Variants in TMEM181 observed in about 807,000 individuals in gnomAD.
The protein encoded by TMEM181 is G protein-coupled receptor 178.
TMEM181 carries 39 observed loss-of-function variants against 71.9 expected under a neutral mutation model. The observed-to-expected ratio is 0.54, with a 90% confidence interval of 0.42 to 0.71. The LOEUF is 0.71. TMEM181 is among the 30% of genes least tolerant of loss of function. TMEM181 has a pLI of 0.00. For missense variants in TMEM181, 595 were observed against 583.0 expected (o/e 1.02, Z -0.21); for synonymous variants, 245 against 228.8 (o/e 1.07, Z -0.64).
intron 10 of TMEM181, among the ~76,000 whole-genome samples, chr6:158,618,792 TTTTC>T (rs1562311301): frequency 6.6e-6 from 1 of 152,216 alleles, no homozygotes; most frequent in Admixed American, 6.5e-5. Flanking sequence ...TTGAAAAGTG[TTTTC>T]TTTAAGAATG....
chr6:158,626,695 G>C, intron 13 of TMEM181: 1 of 457,308 alleles, frequency 2.2e-6, no homozygotes, highest in Non-Finnish European at 4.4e-6. Flanking sequence ...ATTAGTCTCT[G>C]TTCAGTGCTA....
chr6:158,567,605 A>G (rs1465427448), intron 1 of TMEM181, among the ~76,000 whole-genome samples: 1 of 152,048 alleles, frequency 6.6e-6, no homozygotes, highest in African/African-American at 2.4e-5. Context: ...GAGAAGAGAG[A>G]GCATCTTAGA....
At chr6:158,628,595 G>A (rs1786475769) in intron 14 of TMEM181, 105 bp downstream of exon 14, 4 of 975,604 alleles carry the variant, frequency 4.1e-6, no homozygotes, top group Non-Finnish European at 6.2e-6. Context: ...TCAGCTCCTC[G>A]CGCCCTGTTC....
At position 158,626,307 on chromosome 6, in the gene TMEM181, C is replaced by T. The variant is rs373330817; in HGVS notation, c.1109+553C>T. The T allele has an allele frequency of 5.0e-5, 22 of 441,356 alleles. No individual in the cohort carries two copies. The East Asian group carries it at 8.4e-4, about 17-fold the overall frequency. 27.3% of individuals were successfully genotyped at this position (441,356 alleles called of 1,614,324 possible). ...CTGGCCAGTTGGTAGAGGAACAGAGCGGTCTGGGAAGTTGTTTATTTGAAT... is the reference window on the plus strand; with the variant it reads ...CTGGCCAGTTGGTAGAGGAACAGAGTGGTCTGGGAAGTTGTTTATTTGAAT... On this transcript the variant is annotated intron_variant, in intron 13 of 16. Coordinates refer to ENST00000684151, the MANE Select transcript of TMEM181 (RefSeq NM_001376852.1).
chr6:158,576,923 A>G (rs969224078), intron 2 of TMEM181, among the ~76,000 whole-genome samples: 2 of 151,988 alleles, frequency 1.3e-5, no homozygotes, highest in Non-Finnish European at 2.9e-5. Flanking sequence ...TTAGCCAGGC[A>G]TGGTGGTGGG....
chr6:158,557,510 T>TTATTTA (rs1348544435), upstream of TMEM181, among the ~76,000 whole-genome samples: 18 of 150,796 alleles, frequency 1.2e-4, no homozygotes, highest in African/African-American at 4.4e-4. Flanking sequence ...CTGTAATTAT[T>TTATTTA]TATTTATTTA....
intron 10 of TMEM181, among the ~76,000 whole-genome samples, chr6:158,619,427 G>A (rs1216681002): frequency 2.0e-5 from 3 of 152,154 alleles, no homozygotes; most frequent in South Asian, 2.1e-4. Context: ...GCTTCTTGGC[G>A]ATGGGTTCGA....
intron 10 of TMEM181, chr6:158,611,630 C>G (rs532997560): frequency 3.0e-6 from 1 of 334,100 alleles, no homozygotes; most frequent in African/African-American, 2.2e-5. Context: ...TTCCCCCTGA[C>G]GAAAGGACTC....
chr6:158,597,511 C>G (rs549279351), intron 6 of TMEM181, among the ~76,000 whole-genome samples: 1 of 151,872 alleles, frequency 6.6e-6, no homozygotes, highest in East Asian at 2.0e-4. Flanking sequence ...GCTAGCCCCC[C>G]CTTTTTTGAG....
chr6:158,548,675 C>T (rs368557724), intron 1 of TMEM181, among the ~76,000 whole-genome samples: 1 of 152,154 alleles, frequency 6.6e-6, no homozygotes, highest in East Asian at 1.9e-4. Context: ...TGTGAGGCAG[C>T]CAGCAAGCCC....
At position 158,573,469 on chromosome 6, in the gene TMEM181, G is replaced by A. The variant is rs1267644738; in HGVS notation, c.58G>A (p.Val20Met). ...YTLSKRHFVL[V>M]FVVFFICFGL... ...GCTCTCCAAGCGCCACTTTGTCCTC[G>A]TGTTTGTCGTCTTCTTCATCTGCTT... The change falls in exon 2 of 17, where the codon GTG (valine) becomes ATG (methionine). Residue 20 changes from valine (V) to methionine (M), a missense_variant. By Grantham distance (21) the Val-to-Met change is conservative. Transcript: ENST00000684151. The A allele has an allele frequency of 2.5e-6, 4 of 1,605,608 alleles. No individual in the cohort carries two copies. Among genetic ancestry groups the A allele is most frequent in the Admixed American group, 1.7e-5 (1 of 58,766 alleles).
Position 158,608,812 on chromosome 6 carries a change from G to C in TMEM181, c.896+62G>C, listed in dbSNP as rs1013899790. 2.6e-4 allele frequency: 397 copies of C among 1,509,908 alleles called. 3 individuals carry two copies. In the Middle Eastern group the frequency reaches 2.9e-3, roughly 11 times the overall value. 93.5% of individuals were successfully genotyped at this position (1,509,908 alleles called of 1,614,324 possible). A position where few individuals can be genotyped will look rare whatever the true frequency, so the allele number is the denominator to read the frequency against. ...AAAAGCATTTGACAAAAGTGGAAAG[G>C]CCAGGCCAGGCGTAGTGGCTCACGC... On this transcript the variant is annotated intron_variant, in intron 10 of 16. Transcript: ENST00000684151.
chr6:158,627,719 C>G (rs1472457927), intron 13 of TMEM181, among the ~76,000 whole-genome samples: 2 of 152,218 alleles, frequency 1.3e-5, no homozygotes, highest in African/African-American at 2.4e-5. Flanking sequence ...GGAGGCAGAG[C>G]GAGCTCTTGA....
chr6:158,598,093 C>A (rs369933752), intron 6 of TMEM181, among the ~76,000 whole-genome samples: 18 of 152,310 alleles, frequency 1.2e-4, no homozygotes, highest in African/African-American at 4.1e-4. Context: ...ACGCTTACCT[C>A]CTGTGTTTTT....
At chr6:158,561,918 A>G (rs981889430) in intron 1 of TMEM181, among the ~76,000 whole-genome samples, 1 of 152,192 alleles carries the variant, frequency 6.6e-6, no homozygotes, top group African/African-American at 2.4e-5. Flanking sequence ...ATCCTCCTAA[A>G]AAACAAGCCT....
At chr6:158,587,657 A>G (rs1783844900) in intron 5 of TMEM181, among the ~76,000 whole-genome samples, 1 of 151,480 alleles carries the variant, frequency 6.6e-6, no homozygotes, top group Non-Finnish European at 1.5e-5. Context: ...TCTACTGTAA[A>G]GAAAAGCCAT....
intron 1 of TMEM181, among the ~76,000 whole-genome samples, chr6:158,555,040 A>G (rs1405429025): frequency 6.6e-6 from 1 of 152,270 alleles, no homozygotes; most frequent in Non-Finnish European, 1.5e-5. Flanking sequence ...CATTTTAGCT[A>G]GGACTGGCTG....
chr6:158,541,781 C>T (rs1203946149), intron 1 of TMEM181, among the ~76,000 whole-genome samples: 1 of 152,008 alleles, frequency 6.6e-6, no homozygotes, highest in African/African-American at 2.4e-5. Context: ...ATCTTTTCTC[C>T]TTGTTTTCAA....
chr6:158,621,986 G>T (rs564214407), intron 10 of TMEM181, among the ~76,000 whole-genome samples: 4 of 152,070 alleles, frequency 2.6e-5, no homozygotes, highest in African/African-American at 9.7e-5. Flanking sequence ...GGGCCCAAGC[G>T]CCCCTCAGAG....
Sources: gnomAD v4.1 joint callset for allele counts (sites outside exome capture counted in the v4.1 genomes callset) on GRCh38, gnomAD v4.1.1 for gene constraint, MANE v1.5 for transcripts, NCBI Gene and HGNC (gene_info 2026-07-23, HGNC 2026-07-21) for gene names.